RPS6KA2: variants seen among roughly 807,000 people sequenced by gnomAD.
RPS6KA2 encodes the protein ribosomal protein S6 kinase A2.
RPS6KA2 carries 42 observed loss-of-function variants against 91.8 expected under a neutral mutation model. That is an observed-to-expected ratio of 0.46 (90% CI 0.36 to 0.59). The LOEUF (loss-of-function observed/expected upper bound fraction) is 0.59, where lower values mean the gene tolerates loss of function less well. Ranked by LOEUF, RPS6KA2 falls within the 20% of genes least tolerant of loss-of-function variation. The probability of loss-of-function intolerance (pLI) is 0.00; values close to 1 mark genes in which losing one functional copy is unlikely to be tolerated. For missense variants in RPS6KA2, 798 were observed against 978.5 expected (o/e 0.82, Z 2.46); for synonymous variants, 414 against 393.6 (o/e 1.05, Z -0.61).
At chr6:166,676,440 T>C (rs1788622437) in intron 2 of RPS6KA2, among the ~76,000 whole-genome samples, 1 of 152,134 alleles carries the variant, frequency 6.6e-6, no homozygotes, top group South Asian at 2.1e-4. Flanking sequence ...GGCCGGTTGA[T>C]CTCCGGAAGC....
chr6:166,762,892 C>T (rs143583941), intron 2 of RPS6KA2, among the ~76,000 whole-genome samples: 138 of 152,328 alleles, frequency 9.1e-4, no homozygotes, highest in African/African-American at 3.2e-3. Flanking sequence ...CTCCGTAGGT[C>T]AAAGAAACGG....
At chr6:166,458,142 A>C (rs547718780) in intron 12 of RPS6KA2, among the ~76,000 whole-genome samples, 2 of 152,274 alleles carry the variant, frequency 1.3e-5, no homozygotes, top group African/African-American at 4.8e-5. Flanking sequence ...GGGCCTTGAT[A>C]TGGTTCAGCT....
At chr6:166,801,951 A>C (rs1779376331) in intron 2 of RPS6KA2, among the ~76,000 whole-genome samples, 1 of 152,172 alleles carries the variant, frequency 6.6e-6, no homozygotes, top group South Asian at 2.1e-4. Flanking sequence ...AAATTAAAAA[A>C]AAAAAATTTT....
chr6:166,783,736 G>A (rs897605516), intron 2 of RPS6KA2, among the ~76,000 whole-genome samples: 4 of 138,758 alleles, frequency 2.9e-5, no homozygotes, highest in Admixed American at 6.9e-5. Flanking sequence ...ACATACACGC[G>A]TGGACACCTA....
At chr6:166,457,890 TA>T (rs1323373213) in intron 12 of RPS6KA2, among the ~76,000 whole-genome samples, 1 of 152,182 alleles carries the variant, frequency 6.6e-6, no homozygotes, top group Non-Finnish European at 1.5e-5. Context: ...GATTATCTTT[TA>T]AAAAATAAGA....
intron 1 of RPS6KA2, among the ~76,000 whole-genome samples, chr6:166,593,230 G>A (rs376622598): frequency 6.6e-6 from 1 of 151,894 alleles, no homozygotes; most frequent in African/African-American, 2.4e-5. Flanking sequence ...ATTCTTTATA[G>A]GTAATACCAG....
intron 2 of RPS6KA2, among the ~76,000 whole-genome samples, chr6:166,776,882 G>A (rs997415254): frequency 2.6e-5 from 4 of 152,164 alleles, no homozygotes; most frequent in Admixed American, 2.6e-4. Context: ...AAGTGTGTGC[G>A]TATTTTTGTT....
chr6:166,622,529 G>C (rs960645586), intron 1 of RPS6KA2, among the ~76,000 whole-genome samples: 26 of 151,898 alleles, frequency 1.7e-4, no homozygotes, highest in African/African-American at 6.3e-4. Flanking sequence ...TGGTTTTCTT[G>C]GAAACCACCC....
intron 2 of RPS6KA2, among the ~76,000 whole-genome samples, chr6:166,750,879 G>A (rs1358900969): frequency 1.3e-5 from 2 of 152,188 alleles, no homozygotes; most frequent in African/African-American, 2.4e-5. Flanking sequence ...CTGGCCAAGG[G>A]CTAAGACATC....
intron 2 of RPS6KA2, among the ~76,000 whole-genome samples, chr6:166,761,790 G>A (rs1778177875): frequency 6.6e-6 from 1 of 152,196 alleles, no homozygotes; most frequent in Non-Finnish European, 1.5e-5. Context: ...GGGGAGATAG[G>A]AAGGTGGGAC....
At chr6:166,610,351 G>A (rs1786125972) in intron 1 of RPS6KA2, among the ~76,000 whole-genome samples, 1 of 152,204 alleles carries the variant, frequency 6.6e-6, no homozygotes, top group Non-Finnish European at 1.5e-5. Flanking sequence ...GCAGCAGGAA[G>A]CGCAGCAGGA....
chr6:166,711,802 G>A (rs7742197), intron 2 of RPS6KA2, among the ~76,000 whole-genome samples: 5,108 of 144,526 alleles, frequency 0.035, 295 homozygotes, highest in African/African-American at 0.12. Flanking sequence ...GAGAGAGAGA[G>A]ACAGAGGAGA....
intron 11 of RPS6KA2, among the ~76,000 whole-genome samples, chr6:166,468,304 CTT>C (rs1332137768): frequency 1.3e-5 from 2 of 152,176 alleles, no homozygotes; most frequent in Non-Finnish European, 2.9e-5. Context: ...TGTCCTGAAA[CTT>C]TACACTCTTT....
intron 2 of RPS6KA2, among the ~76,000 whole-genome samples, chr6:166,693,482 C>T (rs1273635284): frequency 1.3e-5 from 2 of 152,226 alleles, no homozygotes; most frequent in Non-Finnish European, 2.9e-5. Context: ...GGTCCTGCGC[C>T]TCCATCGCAA....
intron 2 of RPS6KA2, among the ~76,000 whole-genome samples, chr6:166,698,355 G>A (rs879654063): frequency 1.3e-5 from 2 of 152,166 alleles, no homozygotes; most frequent in Admixed American, 1.3e-4. Flanking sequence ...TCTGTCTGGT[G>A]GGAAGCAAGG....
intron 2 of RPS6KA2, among the ~76,000 whole-genome samples, chr6:166,764,732 C>G: frequency 6.6e-6 from 1 of 152,208 alleles, no homozygotes; most frequent in Non-Finnish European, 1.5e-5. Flanking sequence ...CCCCTGACAA[C>G]GGGAGGAAGA....
intron 1 of RPS6KA2, among the ~76,000 whole-genome samples, chr6:166,608,366 T>C (rs1282169755): frequency 6.6e-6 from 1 of 152,198 alleles, no homozygotes; most frequent in Non-Finnish European, 1.5e-5. Context: ...CCAATATCTC[T>C]ATATTCATGT....
At chr6:166,647,815 T>C (rs370567910) in intron 2 of RPS6KA2, among the ~76,000 whole-genome samples, 4 of 106,030 alleles carry the variant, frequency 3.8e-5, no homozygotes, top group African/African-American at 1.0e-4. Context: ...CATACACACA[T>C]GCTCACACAC....
At chr6:166,703,032 T>A (rs114048497) in intron 2 of RPS6KA2, among the ~76,000 whole-genome samples, 1 of 152,138 alleles carries the variant, frequency 6.6e-6, no homozygotes, top group African/African-American at 2.4e-5. Context: ...TGTCTAGATA[T>A]GTTTTAAAAG....
Sources: allele counts gnomAD v4.1 joint callset (sites outside exome capture counted in the v4.1 genomes callset), GRCh38; gene constraint gnomAD v4.1.1; transcripts MANE v1.5; gene names NCBI Gene and HGNC (gene_info 2026-07-23, HGNC 2026-07-21).